Variants in ANO4 observed in about 807,000 individuals in gnomAD.
The protein encoded by ANO4 is anoctamin 4.
A neutral mutation model predicts 141.9 loss-of-function variants in ANO4; 69 were observed. That is an observed-to-expected ratio of 0.49 (90% confidence interval 0.40 to 0.59). The LOEUF (loss-of-function observed/expected upper bound fraction) is 0.59, where lower values mean the gene tolerates loss of function less well. ANO4 is among the 20% of genes least tolerant of loss of function. The probability of loss-of-function intolerance (pLI) is 0.00; values close to 1 mark genes in which losing one functional copy is unlikely to be tolerated. For synonymous variants in ANO4, 350 were observed against 394.3 expected (o/e 0.89, Z 1.33); for missense variants, 894 against 1,162.2 (o/e 0.77, Z 3.36).
At chr12:101,070,324 T>C (rs1286376901) in intron 14 of ANO4, among the ~76,000 whole-genome samples, 3 of 152,008 alleles carry the variant, frequency 2.0e-5, no homozygotes, top group Non-Finnish European at 4.4e-5. Flanking sequence ...AACAGACATA[T>C]AGACCAATGG....
At chr12:100,840,902 C>A (rs929916371) in intron 1 of ANO4, among the ~76,000 whole-genome samples, 12 of 152,140 alleles carry the variant, frequency 7.9e-5, no homozygotes, top group African/African-American at 2.9e-4. Context: ...TGCACCATAA[C>A]TCACCTGAAA....
chr12:100,745,756 A>G (rs980438206), intron 3 of ANO4, among the ~76,000 whole-genome samples: 2 of 152,244 alleles, frequency 1.3e-5, no homozygotes, highest in African/African-American at 2.4e-5. Flanking sequence ...TAAAAAGGCA[A>G]TGACTGAAAG....
chr12:100,930,264 T>C (rs1211914304), intron 3 of ANO4, among the ~76,000 whole-genome samples: 1 of 152,168 alleles, frequency 6.6e-6, no homozygotes, highest in Non-Finnish European at 1.5e-5. Flanking sequence ...CCCAGTCCAA[T>C]GTTCTGGAGA....
chr12:101,022,299 C>T (rs1173004091), intron 9 of ANO4, among the ~76,000 whole-genome samples: 2 of 152,164 alleles, frequency 1.3e-5, no homozygotes, highest in Non-Finnish European at 2.9e-5. Flanking sequence ...ATAAAGTCCT[C>T]TGTGACCATT....
chr12:101,086,538 C>A, intron 16 of ANO4, 122 bp from the exon 17 acceptor site: 1 of 1,014,582 alleles, frequency 9.9e-7, no homozygotes, highest in Non-Finnish European at 1.5e-6. Context: ...TGATTGTGAT[C>A]TCTTGAGCAG....
intron 1 of ANO4, among the ~76,000 whole-genome samples, chr12:100,871,603 T>C (rs1182016432): frequency 6.6e-6 from 1 of 152,252 alleles, no homozygotes; most frequent in Non-Finnish European, 1.5e-5. Context: ...GCATACACTC[T>C]GATTGGGTGG....
chr12:100,819,373 G>A (rs983061217), intron 1 of ANO4, among the ~76,000 whole-genome samples: 1 of 151,876 alleles, frequency 6.6e-6, no homozygotes, highest in Non-Finnish European at 1.5e-5. Context: ...AAGGGGAAAA[G>A]CTATGTAATG....
intron 22 of ANO4, among the ~76,000 whole-genome samples, chr12:101,105,757 T>C (rs2050413878): frequency 6.6e-6 from 1 of 152,184 alleles, no homozygotes; most frequent in Non-Finnish European, 1.5e-5. Flanking sequence ...GAAAGAGAAT[T>C]AAAATCTATA....
At chr12:101,117,346 G>C (rs2050895504) in intron 25 of ANO4, among the ~76,000 whole-genome samples, 1 of 152,122 alleles carries the variant, frequency 6.6e-6, no homozygotes, top group Admixed American at 6.5e-5. Context: ...CTCTTGATGT[G>C]TATCTATACA....
chr12:100,883,136 T>G (rs1047106383), intron 1 of ANO4, among the ~76,000 whole-genome samples: 2 of 152,322 alleles, frequency 1.3e-5, no homozygotes, highest in African/African-American at 4.8e-5. Flanking sequence ...AGTACAAAAG[T>G]CTATGAATTT....
chr12:101,068,928 AGCT>A, intron 14 of ANO4: 1 of 811,168 alleles, frequency 1.2e-6, no homozygotes, highest in Non-Finnish European at 2.2e-6. Flanking sequence ...TCAACATCGA[AGCT>A]GCTAAGGATC....
intron 8 of ANO4, among the ~76,000 whole-genome samples, chr12:101,010,319 T>C (rs936628484): frequency 6.6e-6 from 1 of 152,182 alleles, no homozygotes. Context: ...TATTTAACAC[T>C]TAGATAACGA....
rs1327890341 is a variant in ANO4, at chr12:100,974,833, C to G, written c.558-12C>G. 1 of 1,613,742 alleles carries G rather than the reference C, an allele frequency of 6.2e-7. No individual in the cohort carries two copies. Among genetic ancestry groups the G allele is most frequent in the South Asian group, 1.1e-5 (1 of 91,070 alleles). On this transcript the variant is annotated splice_polypyrimidine_tract_variant and intron_variant, in intron 6 of 27. Coordinates refer to ENST00000392977, the MANE Select transcript of ANO4 (RefSeq NM_001286615.2). ...TTCTTCTCGACTGGCTTCATTTTTGCTGTTCTTCCAGGAGAAAAATCTATT... is the reference window on the plus strand; with the variant it reads ...TTCTTCTCGACTGGCTTCATTTTTGGTGTTCTTCCAGGAGAAAAATCTATT...
chr12:100,820,956 T>G (rs935364690), intron 1 of ANO4, among the ~76,000 whole-genome samples: 22 of 152,028 alleles, frequency 1.4e-4, no homozygotes, highest in African/African-American at 4.8e-4. Flanking sequence ...CTTATTTTTG[T>G]TGGTCAGCAT....
At chr12:100,864,689 G>C (rs7295179) in intron 1 of ANO4, among the ~76,000 whole-genome samples, 1 of 151,770 alleles carries the variant, frequency 6.6e-6, no homozygotes, top group Non-Finnish European at 1.5e-5. Context: ...TCACAAAATC[G>C]GCATTTTTTA....
chr12:100,964,347 G>T (rs1299612701), intron 5 of ANO4, among the ~76,000 whole-genome samples: 1 of 151,900 alleles, frequency 6.6e-6, no homozygotes, highest in African/African-American at 2.4e-5. Flanking sequence ...ATAATACCGG[G>T]GTTGCTGTGA....
chr12:100,810,381 G>C (rs886211145), intron 1 of ANO4, among the ~76,000 whole-genome samples: 1 of 152,156 alleles, frequency 6.6e-6, no homozygotes, highest in Admixed American at 6.5e-5. Flanking sequence ...CTAGAGCAGA[G>C]TGGTGGAGGA....
In ANO4 at chr12:101,075,560, C is replaced by T. The variant is rs182477921; in HGVS notation, c.1313-3633C>T. 6.4e-3 allele frequency among the ~76,000 whole-genome samples: 964 copies of T among 150,500 alleles called. 10 individuals are homozygous for T. The highest frequency in any genetic ancestry group is 0.022 in the African/African-American group (912 of 41,028). ...CACTTGACAAAACTCTTAGGAATTT[C>T]GTCTTTTGAGAACAAAGTCATAAAA... is the stretch of plus-strand genomic sequence containing the variant. On this transcript the variant is annotated intron_variant, in intron 14 of 27. Transcript: ENST00000392977.
intron 1 of ANO4, among the ~76,000 whole-genome samples, chr12:100,828,328 C>T (rs995417779): frequency 1.3e-4 from 19 of 151,958 alleles, no homozygotes; most frequent in Non-Finnish European, 2.1e-4. Context: ...ATCATGGAAA[C>T]CTCATTCCTA....
Sources: gnomAD v4.1 joint callset for allele counts (sites outside exome capture counted in the v4.1 genomes callset) on GRCh38, gnomAD v4.1.1 for gene constraint, MANE v1.5 for transcripts, NCBI Gene and HGNC (gene_info 2026-07-23, HGNC 2026-07-21) for gene names.